TEAD4: variants seen among roughly 807,000 people sequenced by gnomAD.
TEAD4 encodes the protein transcriptional enhancer factor TEF-3.
Under a neutral mutation model 52.4 loss-of-function variants are expected in TEAD4, and 36 were observed. The ratio of observed to expected loss-of-function variants is 0.69; its 90% CI spans 0.53 to 0.91. TEAD4 has a LOEUF of 0.91. TEAD4 is among the 40% of genes least tolerant of loss of function. The pLI is 0.00. For missense variants in TEAD4, 508 were observed against 583.9 expected (o/e 0.87, Z 1.34); for synonymous variants, 220 against 231.0 (o/e 0.95, Z 0.43).
At chr12:2,996,064 G>C (rs1215598888) in intron 3 of TEAD4, among the ~76,000 whole-genome samples, 1 of 151,390 alleles carries the variant, frequency 6.6e-6, no homozygotes, top group Non-Finnish European at 1.5e-5. Flanking sequence ...GGAAGGCCCA[G>C]ATAAGGCTTC....
At position 3,012,152 on chromosome 12, in the gene TEAD4, C is replaced by T. The variant is rs756540914; in HGVS notation, c.292-18C>T. The T allele has an allele frequency of 1.3e-5, 21 of 1,613,378 alleles. No homozygotes were observed. The highest frequency in any genetic ancestry group is 1.8e-5 in the Non-Finnish European group (21 of 1,179,594). On this transcript the variant is annotated intron_variant, in intron 4 of 12. Coordinates refer to ENST00000359864, the MANE Select transcript of TEAD4 (RefSeq NM_003213.4). ...GTTGTTGGGAGGTAGAGACAGGAGT[C>T]CTCTCTCCCTGCCACAGGTCTCCAG...
chr12:2,960,833 C>T (rs2098214682), intron 2 of TEAD4, among the ~76,000 whole-genome samples: 4 of 152,136 alleles, frequency 2.6e-5, no homozygotes, highest in Admixed American at 2.0e-4. Context: ...CCCTACATAG[C>T]CGTGGGCAAG....
At chr12:3,013,656 C>T (rs188910346) in intron 5 of TEAD4, among the ~76,000 whole-genome samples, 35 of 152,248 alleles carry the variant, frequency 2.3e-4, no homozygotes, top group Non-Finnish European at 2.2e-4. Context: ...ATCACTTGAA[C>T]CTGGGAAGTG....
At chr12:2,995,265 A>G (rs890057071) in intron 3 of TEAD4, among the ~76,000 whole-genome samples, 4 of 152,174 alleles carry the variant, frequency 2.6e-5, no homozygotes, top group Admixed American at 2.6e-4. Flanking sequence ...ACATCCCCCC[A>G]GAGCAGGTGG....
intron 10 of TEAD4, among the ~76,000 whole-genome samples, chr12:3,033,534 C>A (rs1260593387): frequency 6.6e-6 from 1 of 152,216 alleles, no homozygotes; most frequent in African/African-American, 2.4e-5. Context: ...CAGAGTACCC[C>A]AGGCCTTCCT....
At chr12:2,966,266 T>A (rs528752570) in intron 2 of TEAD4, among the ~76,000 whole-genome samples, 10 of 152,174 alleles carry the variant, frequency 6.6e-5, no homozygotes, top group Admixed American at 4.6e-4. Context: ...GGATGCTGAC[T>A]CCTAACTCCT....
intron 2 of TEAD4, among the ~76,000 whole-genome samples, chr12:2,973,086 A>G (rs974886738): frequency 2.0e-5 from 3 of 149,746 alleles, no homozygotes; most frequent in African/African-American, 7.7e-5. Flanking sequence ...CACAAATGGA[A>G]TCATGCAGTT....
At chr12:3,018,673 C>G in intron 7 of TEAD4, 85 bp downstream of exon 7, 1 of 1,581,880 alleles carries the variant, frequency 6.3e-7, no homozygotes, top group Non-Finnish European at 8.7e-7. Context: ...GCCTGGGCCC[C>G]AGGGTGTGCT....
chr12:2,973,706 C>T (rs185834132), intron 2 of TEAD4, among the ~76,000 whole-genome samples: 19 of 152,312 alleles, frequency 1.2e-4, no homozygotes, highest in East Asian at 3.9e-4. Flanking sequence ...TCCTGCCTGG[C>T]GGGCTGCACC....
chr12:3,012,406 T>G (rs1190826041), intron 5 of TEAD4, among the ~76,000 whole-genome samples, 174 bp downstream of exon 5: 2 of 152,080 alleles, frequency 1.3e-5, no homozygotes, highest in Admixed American at 6.5e-5. Flanking sequence ...GAGGGCCAAG[T>G]GTGTGGATGC....
intron 3 of TEAD4, among the ~76,000 whole-genome samples, chr12:3,007,837 A>G (rs1472536375): frequency 6.6e-6 from 1 of 152,260 alleles, no homozygotes; most frequent in East Asian, 1.9e-4. Context: ...CAATGAGACC[A>G]GGATAGGACA....
At position 2,995,882 on chromosome 12, in the gene TEAD4, C is replaced by T. The variant is rs553627596; in HGVS notation, c.226+890C>T. 3.9e-5 allele frequency among the ~76,000 whole-genome samples: 6 copies of T among 152,136 alleles called. No individual in the cohort carries two copies. The East Asian group carries it at 1.2e-3, about 29-fold the overall frequency. ...AATTACCCAGGTTTGGTGGTGCCAG[C>T]CTGCAGTCCCAGCTACTGGGGAGGC... On this transcript the variant is annotated intron_variant, in intron 3 of 12. Transcript: ENST00000359864.
At chr12:3,009,914 C>T (rs1427275942) in intron 3 of TEAD4, among the ~76,000 whole-genome samples, 6 of 152,326 alleles carry the variant, frequency 3.9e-5, no homozygotes, top group Non-Finnish European at 5.9e-5. Flanking sequence ...TGGCCTTGGC[C>T]GTGCACTCTG....
At chr12:3,020,257 G>A (rs1162861474) in intron 8 of TEAD4, among the ~76,000 whole-genome samples, 1 of 152,202 alleles carries the variant, frequency 6.6e-6, no homozygotes, top group Non-Finnish European at 1.5e-5. Context: ...TGTAATAGTG[G>A]ATTCATCTGG....
At chr12:3,007,822 A>G (rs992769477) in intron 3 of TEAD4, among the ~76,000 whole-genome samples, 5 of 152,246 alleles carry the variant, frequency 3.3e-5, no homozygotes, top group Non-Finnish European at 5.9e-5. Context: ...ATGTACAGAA[A>G]AGTTCAATGA....
chr12:2,983,196 T>G (rs538791607), intron 2 of TEAD4, among the ~76,000 whole-genome samples: 1 of 152,334 alleles, frequency 6.6e-6, no homozygotes, highest in East Asian at 1.9e-4. Context: ...ATATTAGGCA[T>G]TAGGGCTTCA....
intron 10 of TEAD4, among the ~76,000 whole-genome samples, chr12:3,028,688 C>G (rs149544285): frequency 6.6e-6 from 1 of 151,956 alleles, no homozygotes; most frequent in Non-Finnish European, 1.5e-5. Context: ...TGGAGTACAG[C>G]GGCGTAATTT....
At chr12:2,993,666 T>TG (rs1345776960) in intron 2 of TEAD4, among the ~76,000 whole-genome samples, 1 of 149,670 alleles carries the variant, frequency 6.7e-6, no homozygotes, top group Non-Finnish European at 1.5e-5. Context: ...TTTGTAGAGA[T>TG]GGGGTCTCCC....
rs61672018 is a variant in TEAD4 at position 2,968,385 on chromosome 12, CTTTTTTTTTTT to C, written c.-30+8362_-30+8372del. On this transcript the variant is annotated intron_variant, in intron 2 of 12. Coordinates refer to ENST00000359864, the MANE Select transcript of TEAD4 (RefSeq NM_003213.4). ...ACAGGTGTGAGCCACCGCGCCCGGC[CTTTTTTTTTTT>C]TTTTTTTTTTTTTTTTGTGAGACAG... is the stretch of plus-strand genomic sequence containing the variant. 1.9e-3 allele frequency among the ~76,000 whole-genome samples: 103 copies of C among 55,066 alleles called. 2 individuals carry two copies. The Middle Eastern group carries it at 0.083, about 45-fold the overall frequency. 36.1% of individuals were successfully genotyped at this position (55,066 alleles called of 152,430 possible).
Sources: allele counts gnomAD v4.1 joint callset (sites outside exome capture counted in the v4.1 genomes callset), GRCh38; gene constraint gnomAD v4.1.1; transcripts MANE v1.5; gene names NCBI Gene and HGNC (gene_info 2026-07-23, HGNC 2026-07-21).